CCDC169: variants seen among roughly 807,000 people sequenced by gnomAD.
CCDC169 encodes the protein coiled-coil domain-containing protein 169.
Under a neutral mutation model 36.0 loss-of-function variants are expected in CCDC169, and 30 were observed. That is an observed-to-expected ratio of 0.83 (90% confidence interval 0.62 to 1.13). The LOEUF is 1.13. Among genes scored for constraint, CCDC169 ranks in the 50% most tolerant of loss-of-function variants. The pLI, the probability that CCDC169 is intolerant of heterozygous loss-of-function variation, is 0.00. For missense variants in CCDC169, 245 were observed against 245.9 expected (o/e 1.00, Z 0.03); for synonymous variants, 85 against 81.5 (o/e 1.04, Z -0.23).
intron 4 of CCDC169, among the ~76,000 whole-genome samples, chr13:36,258,430 AAGGTAC>A (rs1874194683): frequency 6.6e-6 from 1 of 152,218 alleles, no homozygotes; most frequent in Non-Finnish European, 1.5e-5. Flanking sequence ...AGGTTGGCAC[AAGGTAC>A]AGGTCAATAA....
intron 2 of CCDC169, among the ~76,000 whole-genome samples, chr13:36,288,509 A>G (rs1341407911): frequency 6.6e-6 from 1 of 152,200 alleles, no homozygotes; most frequent in African/African-American, 2.4e-5. Flanking sequence ...ATAGATAATA[A>G]TTTGATTTCT....
At chr13:36,274,237 T>C (rs1876475794) in intron 4 of CCDC169, 1 of 152,164 alleles carries the variant, frequency 6.6e-6, no homozygotes, top group African/African-American at 2.4e-5. Flanking sequence ...ACGACAGCAA[T>C]CATGAAGTAA....
chr13:36,227,421 C>T (rs533415818), downstream of CCDC169: 13 of 1,467,578 alleles, frequency 8.9e-6, no homozygotes, highest in South Asian at 5.8e-5. Flanking sequence ...ATAAGGACAG[C>T]GAAGGTACAA....
At chr13:36,297,174 C>G (rs144535745) in intron 1 of CCDC169, among the ~76,000 whole-genome samples, 1 of 151,770 alleles carries the variant, frequency 6.6e-6, no homozygotes, top group African/African-American at 2.4e-5. Context: ...AAATTTAACA[C>G]GAAGTACGAA....
intron 4 of CCDC169, among the ~76,000 whole-genome samples, chr13:36,266,417 A>G (rs1875324371): frequency 6.6e-6 from 1 of 152,138 alleles, no homozygotes. Flanking sequence ...TGTAGACTCC[A>G]GATCCTTAGG....
downstream of CCDC169, among the ~76,000 whole-genome samples, chr13:36,228,275 A>C (rs1013939252): frequency 5.3e-5 from 8 of 152,114 alleles, no homozygotes; most frequent in Non-Finnish European, 1.2e-4. Flanking sequence ...TTATATCCCC[A>C]CCAGCAACAT....
At position 36,254,035 on chromosome 13, in the gene CCDC169, A is replaced by G. The variant is rs1438595991; in HGVS notation, c.414+10T>C. ...TCAAAGGAATTGCTAAGTATAGAGT[A>G]AAAACAAACCTTTGATTCTTGTTCC... On this transcript the variant is annotated intron_variant, in intron 5 of 7. Transcript: ENST00000239859. The G allele has an allele frequency of 2.6e-6, 4 of 1,543,288 alleles. No individual in the cohort carries two copies. The highest frequency in any genetic ancestry group is 3.5e-6 in the Non-Finnish European group (4 of 1,144,444).
intron 6 of CCDC169, among the ~76,000 whole-genome samples, chr13:36,249,921 C>G (rs1348670012): frequency 6.6e-6 from 1 of 151,534 alleles, no homozygotes; most frequent in East Asian, 1.9e-4. Flanking sequence ...ATATGAGTGA[C>G]AGGTTTGGGT....
At chr13:36,295,344 G>T (rs1371712967) in intron 2 of CCDC169, among the ~76,000 whole-genome samples, 1 of 152,180 alleles carries the variant, frequency 6.6e-6, no homozygotes, top group Non-Finnish European at 1.5e-5. Context: ...GGATATATGA[G>T]TGTGTAGGTA....
In CCDC169 at chr13:36,231,284, T is replaced by G. The variant is rs999162191; in HGVS notation, c.554A>C (p.Tyr185Ser). 1 of 1,551,132 alleles carries G rather than the reference T, an allele frequency of 6.4e-7. No homozygotes were observed. The highest frequency in any genetic ancestry group is 8.7e-7 in the Non-Finnish European group (1 of 1,146,788). Reference protein sequence around the residue: ...MQENLVKTGRYNPAKQKTVSA... With the variant: ...MQENLVKTGRSNPAKQKTVSA... ...CACTGTCTTCTGCTTAGCTGGATTA[T>G]ATCTTCCACTGAAATAAATAAGTGT... The change falls in exon 8 of 8, where the codon TAT becomes TCT. Residue 185 changes from tyrosine (Y) to serine (S), a missense_variant. By Grantham distance (144) the Tyr-to-Ser change is moderately radical (BLOSUM62 -2). Transcript: ENST00000239859.
chr13:36,247,974 A>G (rs940608156), intron 7 of CCDC169, among the ~76,000 whole-genome samples: 2 of 152,188 alleles, frequency 1.3e-5, no homozygotes, highest in Admixed American at 6.5e-5. Context: ...AATTTGCCAC[A>G]GGCACTTCAG....
chr13:36,230,652 G>C (rs936566716), downstream of CCDC169: 6 of 473,802 alleles, frequency 1.3e-5, no homozygotes, highest in South Asian at 5.4e-4. Context: ...GAGGTGAAGG[G>C]ACTTGCCCAA....
chr13:36,265,816 G>A (rs956097476), intron 4 of CCDC169, among the ~76,000 whole-genome samples: 2 of 152,190 alleles, frequency 1.3e-5, no homozygotes, highest in East Asian at 1.9e-4. Flanking sequence ...ACTTGGTGAT[G>A]GAGATAGTTA....
chr13:36,248,623 T>C lies in CCDC169; in HGVS notation c.528A>G (p.Gln176=). The C allele has an allele frequency of 6.5e-7, 1 of 1,550,116 alleles. No homozygotes were observed. The highest frequency in any genetic ancestry group is 8.7e-7 in the Non-Finnish European group (1 of 1,145,904). The stretch of plus-strand genomic sequence containing the variant: ...AGACTTACGTTTTCACTAGATTCTC[T>C]TGCATCCTAGGCAGTTGATCCACCT... ...RQQVDQLPRM[Q]ENLVKTGRYN... is the part of the protein sequence containing the mutation. The change falls in exon 7 of 8, where the codon CAA becomes CAG. Residue 176 remains glutamine, a synonymous_variant. Coordinates refer to ENST00000239859, the MANE Select transcript of CCDC169 (RefSeq NM_001144981.3).
chr13:36,250,400 G>A (rs1873014378), intron 6 of CCDC169, among the ~76,000 whole-genome samples: 1 of 152,188 alleles, frequency 6.6e-6, no homozygotes, highest in Admixed American at 6.5e-5. Flanking sequence ...AATGCAAACT[G>A]AAGGTTTTTA....
At chr13:36,285,584 AAGAT>A (rs367836854) in intron 2 of CCDC169, among the ~76,000 whole-genome samples, 268 of 138,144 alleles carry the variant, frequency 1.9e-3, no homozygotes, top group African/African-American at 4.6e-3. Flanking sequence ...AAAATAAAAT[AAGAT>A]AGATAGATAG....
intron 4 of CCDC169, among the ~76,000 whole-genome samples, chr13:36,260,845 C>G (rs1181409386): frequency 1.3e-5 from 2 of 152,136 alleles, no homozygotes; most frequent in Non-Finnish European, 2.9e-5. Flanking sequence ...TTCATAAGAG[C>G]CTCCTACCCC....
intron 6 of CCDC169, 96 bp downstream of exon 6, chr13:36,253,707 G>C: frequency 7.1e-7 from 1 of 1,412,606 alleles, no homozygotes; most frequent in Non-Finnish European, 9.4e-7. Flanking sequence ...TCCAAAATCT[G>C]CTTCTCTCCC....
chr13:36,238,466 A>T (rs935008184), intron 7 of CCDC169, among the ~76,000 whole-genome samples: 1 of 152,204 alleles, frequency 6.6e-6, no homozygotes, highest in African/African-American at 2.4e-5. Flanking sequence ...CAATTAAAAA[A>T]TTTTTTTAAA....
Sources: allele counts gnomAD v4.1 joint callset (sites outside exome capture counted in the v4.1 genomes callset), GRCh38; gene constraint gnomAD v4.1.1; transcripts MANE v1.5; gene names NCBI Gene and HGNC (gene_info 2026-07-23, HGNC 2026-07-21).